The following FOXD3 variants were observed in gnomAD, a reference collection of about 807,000 sequenced individuals.
FOXD3 encodes the protein forkhead box protein D3.
Under a neutral mutation model 3.6 loss-of-function variants are expected in FOXD3, and 3 were observed. The observed-to-expected ratio is 0.84, with a 90% CI of 0.38 to 2.18. The LOEUF (loss-of-function observed/expected upper bound fraction) is 2.18, where lower values mean the gene tolerates loss of function less well. Ranked by LOEUF, FOXD3 falls within the 30% of genes most tolerant of loss-of-function variation. FOXD3 has a pLI of 0.06. For missense variants in FOXD3, 686 were observed against 731.6 expected, an observed-to-expected ratio of 0.94 and a Z score of 0.72; for synonymous variants, 391 against 360.9, an observed-to-expected ratio of 1.08 and a Z score of -0.94.
chr1:63,323,023 C>T lies in FOXD3; in HGVS notation c.-36C>T, dbSNP rs1175817812. 8.6e-6 allele frequency: 13 copies of T among 1,510,022 alleles called. No homozygotes were observed. The highest frequency in any genetic ancestry group is 1.1e-5 in the Non-Finnish European group (13 of 1,134,020). The allele number at this position is 1,510,022 out of a possible 1,614,324, so 93.5% of individuals were successfully genotyped here. On this transcript the variant is annotated 5_prime_UTR_variant, in exon 1 of 1. Transcript: ENST00000371116. This position sits in a 1 kb window ranked among gnomAD's most constrained non-coding sequence, Gnocchi z 6.8. ...CCCCGAACACCCTCATCGCCCGCTG[C>T]CCCCTCCCCGCCGCCGCTACCAACC...
rs747009146 is a variant in FOXD3 at position 63,323,453 on chromosome 1, C to G, written c.395C>G (p.Pro132Arg). 16 of 1,605,134 alleles carry G rather than the reference C, an allele frequency of 1.0e-5. No individual in the cohort carries two copies. Among genetic ancestry groups the G allele is most frequent in the Middle Eastern group, 3.7e-4 (2 of 5,366 alleles). ...AGSGSAGGLA[P>R]SKPKNSLVKP... ...AGCGGTTCGGCGGGAGGCCTGGCCC[C>G]GAGCAAGCCCAAGAACAGCCTAGTG... The change falls in exon 1 of 1, where the codon CCG becomes CGG. Residue 132 changes from proline (P) to arginine (R), a missense_variant. Around this residue, in one of 3 missense-constraint regions of FOXD3, gnomAD observed 232 missense variants for 214.0 expected, o/e 1.08. Transcript: ENST00000371116. The surrounding 1 kb of genome is among the most constrained non-coding windows in gnomAD (Gnocchi z 6.8).
Position 63,322,907 on chromosome 1 carries a change from G to A in FOXD3, c.-152G>A. The A allele has an allele frequency of 7.2e-7, 1 of 1,383,374 alleles. No homozygotes were observed. The highest frequency in any genetic ancestry group is 3.1e-5 in the East Asian group (1 of 32,756). The allele number at this position is 1,383,374 out of a possible 1,614,324, so 85.7% of individuals were successfully genotyped here. On this transcript the variant is annotated 5_prime_UTR_variant, in exon 1 of 1. Transcript: ENST00000371116. ...CCGCCGAGTGTGAGCTGAGCCCAGC[G>A]GGCCCCAAGCCACCTGCGGCCCCCT...
In FOXD3 at chr1:63,323,901, G is replaced by A; in HGVS notation, c.843G>A (p.Ala281=). The change falls in exon 1 of 1, where the codon GCG becomes GCA. Residue 281 remains alanine (A), a synonymous_variant. Transcript: ENST00000371116. This position sits in a 1 kb window ranked among gnomAD's most constrained non-coding sequence, Gnocchi z 6.8. ...GCCCCTACGGCCTGCACCCTGCGGC[G>A]GCGGCCGGTGCCTATTCGCACCCGG... ...YGRPYGLHPA[A]AAGAYSHPAA... 1 of 1,361,520 alleles carries A rather than the reference G, an allele frequency of 7.3e-7. No homozygotes were observed. The allele number at this position is 1,361,520 out of a possible 1,614,324, so 84.3% of individuals were successfully genotyped here. A position where few individuals can be genotyped will look rare whatever the true frequency, so the allele number is the denominator to read the frequency against.
chr1:63,322,827 C>G lies in FOXD3; in HGVS notation c.-232C>G, dbSNP rs112023039. On this transcript the variant is annotated 5_prime_UTR_variant, in exon 1 of 1. Transcript: ENST00000371116. Reference sequence around the variant, plus strand: ...CCGAGCGCCAGGGACGGCAGGAGTTCGCGGAGCGCGGCCGCTGGGGGCGGA... The same window carrying G: ...CCGAGCGCCAGGGACGGCAGGAGTTGGCGGAGCGCGGCCGCTGGGGGCGGA... The G allele has an allele frequency of 3.0e-6, 3 of 985,248 alleles. No homozygotes were observed. The highest frequency in any genetic ancestry group is 3.6e-6 in the Non-Finnish European group (3 of 829,916). 61.0% of individuals were successfully genotyped at this position (985,248 alleles called of 1,614,324 possible).
rs1259315015 is a variant in FOXD3 at position 63,323,070 on chromosome 1, C to T, written c.12C>T (p.Ser4=). 1 of 1,541,952 alleles carries T rather than the reference C, an allele frequency of 6.5e-7. No individual in the cohort carries two copies. Among genetic ancestry groups the T allele is most frequent in the Admixed American group, 1.9e-5 (1 of 51,400 alleles). The change falls in exon 1 of 1, where the codon TCC becomes TCT. Residue 4 remains serine (S), a synonymous_variant. Transcript: ENST00000371116. This position sits in a 1 kb window ranked among gnomAD's most constrained non-coding sequence, Gnocchi z 6.8. ...AACCCCGAGGAGGGATGACCCTCTC[C>T]GGCGGCGGCAGCGCCAGCGACATGT... MTL[S]GGGSASDMSG...
chr1:63,323,784 G>A lies in FOXD3; in HGVS notation c.726G>A (p.Gln242=), dbSNP rs779367590. ...GGAAACGCTTCAAGCGCCACCAGCAGGAGCACCTGCGCGAGCAGACGGCGC... is the reference window on the plus strand; with the variant it reads ...GGAAACGCTTCAAGCGCCACCAGCAAGAGCACCTGCGCGAGCAGACGGCGC... ...RRRKRFKRHQ[Q]EHLREQTALM... is the part of the protein sequence containing the mutation. The change falls in exon 1 of 1, where the codon CAG becomes CAA. Residue 242 remains glutamine (Q), a synonymous_variant. Coordinates refer to ENST00000371116, the MANE Select transcript of FOXD3 (RefSeq NM_012183.3). This position sits in a 1 kb window ranked among gnomAD's most constrained non-coding sequence, Gnocchi z 6.8. The A allele has an allele frequency of 1.4e-5, 22 of 1,613,170 alleles. 1 individual carries two copies. In the South Asian group the frequency reaches 2.1e-4, roughly 15 times the overall value.
rs1156880899 is a variant in FOXD3 at position 63,323,520 on chromosome 1, C to T, written c.462C>T (p.Ile154=). 1 of 1,614,110 alleles carries T rather than the reference C, an allele frequency of 6.2e-7. No individual in the cohort carries two copies. The highest frequency in any genetic ancestry group is 2.2e-5 in the East Asian group (1 of 44,850). ...ACATCGCGCTCATCACCATGGCCAT[C>T]CTGCAGAGCCCGCAGAAGAAGCTGA... ...YSYIALITMA[I]LQSPQKKLTL... is the part of the protein sequence containing the mutation. Residue 154 remains isoleucine (I), a synonymous_variant, in exon 1 of 1, where the codon ATC becomes ATT. Coordinates refer to ENST00000371116, the MANE Select transcript of FOXD3 (RefSeq NM_012183.3). The surrounding 1 kb of genome is among the most constrained non-coding windows in gnomAD (Gnocchi z 6.8).
rs1385437580 is a variant in FOXD3 at position 63,324,522 on chromosome 1, G to A, written c.*27G>A. ...GACGCGCCAATGGCCGGGACCCAGGGTCCGGCGGCGGCCTCGAGCAACAAA... is the reference window on the plus strand; with the variant it reads ...GACGCGCCAATGGCCGGGACCCAGGATCCGGCGGCGGCCTCGAGCAACAAA... On this transcript the variant is annotated 3_prime_UTR_variant, in exon 1 of 1. Coordinates refer to ENST00000371116, the MANE Select transcript of FOXD3 (RefSeq NM_012183.3). The surrounding 1 kb of genome is among the most constrained non-coding windows in gnomAD (Gnocchi z 4.1). The A allele has an allele frequency of 6.6e-7, 1 of 1,505,250 alleles. No individual in the cohort carries two copies. Among genetic ancestry groups the A allele is most frequent in the South Asian group, 1.2e-5 (1 of 82,036 alleles). 93.2% of individuals were successfully genotyped at this position (1,505,250 alleles called of 1,614,324 possible).
rs892802154 is a variant in FOXD3, at chr1:63,322,919, A to G, written c.-140A>G. On this transcript the variant is annotated 5_prime_UTR_variant, in exon 1 of 1. Coordinates refer to ENST00000371116, the MANE Select transcript of FOXD3 (RefSeq NM_012183.3). Reference sequence around the variant, plus strand: ...AGCTGAGCCCAGCGGGCCCCAAGCCACCTGCGGCCCCCTCCCCTCTCCCTG... The same window carrying G: ...AGCTGAGCCCAGCGGGCCCCAAGCCGCCTGCGGCCCCCTCCCCTCTCCCTG... The G allele has an allele frequency of 1.7e-5, 24 of 1,388,976 alleles. No homozygotes were observed. In the Admixed American group the frequency reaches 6.3e-4, roughly 36 times the overall value. 86.0% of individuals were successfully genotyped at this position (1,388,976 alleles called of 1,614,324 possible). A position where few individuals can be genotyped will look rare whatever the true frequency, so the allele number is the denominator to read the frequency against.
chr1:63,324,315 AC>A lies in FOXD3; in HGVS notation c.1260del (p.Thr422ProfsTer16). On this transcript the variant is annotated frameshift_variant, in exon 1 of 1. Coordinates refer to ENST00000371116, the MANE Select transcript of FOXD3 (RefSeq NM_012183.3). LOFTEE classifies it high-confidence loss of function. The surrounding 1 kb of genome is among the most constrained non-coding windows in gnomAD (Gnocchi z 4.1). Reference protein sequence around the residue: ...GSTAQSFLRPPGTVQSAALMA... With the variant: ...GSTAQSFLRPXGTVQSAALMA... Reference sequence around the variant, plus strand: ...GCACGGCGCAGTCGTTTCTGCGGCCACCCGGGACCGTGCAGTCGGCAGCGCT... The same window carrying A: ...GCACGGCGCAGTCGTTTCTGCGGCCACCGGGACCGTGCAGTCGGCAGCGCT... 1 of 1,571,310 alleles carries A rather than the reference AC, an allele frequency of 6.4e-7. No homozygotes were observed. Among genetic ancestry groups the A allele is most frequent in the South Asian group, 1.2e-5 (1 of 86,612 alleles).
In FOXD3 at chr1:63,322,681, C is replaced by CGCGCCCGCCTGGACCGCTCCT; in HGVS notation, c.-371_-351dup. On this transcript the variant is annotated 5_prime_UTR_variant, in exon 1 of 1. Coordinates refer to ENST00000371116, the MANE Select transcript of FOXD3 (RefSeq NM_012183.3). ...CCGAGCTGCTCGGCGCCCGGCGTCCCGCGCCCGCCTGGACCGCTCCTGCGC... is the reference window on the plus strand; with the variant it reads ...CCGAGCTGCTCGGCGCCCGGCGTCCCGCGCCCGCCTGGACCGCTCCTGCGCCCGCCTGGACCGCTCCTGCGC... 2 of 977,978 alleles carry CGCGCCCGCCTGGACCGCTCCT rather than the reference C, an allele frequency of 2.0e-6. No individual in the cohort carries two copies. The highest frequency in any genetic ancestry group is 2.4e-6 in the Non-Finnish European group (2 of 823,156). The allele number at this position is 977,978 out of a possible 1,614,324, so 60.6% of individuals were successfully genotyped here. A position where few individuals can be genotyped will look rare whatever the true frequency, so the allele number is the denominator to read the frequency against.
rs1403251674 is a variant in FOXD3 at position 63,323,398 on chromosome 1, G to T, written c.340G>T (p.Gly114Cys). The T allele has an allele frequency of 6.9e-7, 1 of 1,440,710 alleles. No individual in the cohort carries two copies. Among genetic ancestry groups the T allele is most frequent in the Admixed American group, 3.1e-5 (1 of 31,810 alleles). The allele number at this position is 1,440,710 out of a possible 1,614,324, so 89.2% of individuals were successfully genotyped here. A position where few individuals can be genotyped will look rare whatever the true frequency, so the allele number is the denominator to read the frequency against. Reference sequence around the variant, plus strand: ...GGGCGGTGTTGGCGGCGAGGAGGGCGGCGCGAGCGGCGGCGGGCCTGGCGC... The same window carrying T: ...GGGCGGTGTTGGCGGCGAGGAGGGCTGCGCGAGCGGCGGCGGGCCTGGCGC... ...CKGGVGGEEG[G>C]ASGGGPGAGS... Residue 114 changes from glycine (G) to cysteine (C), a missense_variant, in exon 1 of 1, where the codon GGC becomes TGC. Gly to Cys is a radical substitution (Grantham distance 159). Coordinates refer to ENST00000371116, the MANE Select transcript of FOXD3 (RefSeq NM_012183.3). The surrounding 1 kb of genome is among the most constrained non-coding windows in gnomAD (Gnocchi z 6.8).
In FOXD3 at chr1:63,323,282, A is replaced by G; in HGVS notation, c.224A>G (p.His75Arg). Residue 75 changes from histidine (H) to arginine (R), a missense_variant, in exon 1 of 1, where the codon CAC (histidine) becomes CGC (arginine). This residue lies in a region of FOXD3 where 232 missense variants were observed against 214.0 expected (regional missense o/e 1.08). Coordinates refer to ENST00000371116, the MANE Select transcript of FOXD3 (RefSeq NM_012183.3). The surrounding 1 kb of genome is among the most constrained non-coding windows in gnomAD (Gnocchi z 6.8). ...APHHGQPQPP[H>R]QQPLTLPKEA... ...CATCACGGACAGCCTCAGCCGCCCCACCAGCAGCCCCTGACATTGCCCAAG... is the reference window on the plus strand; with the variant it reads ...CATCACGGACAGCCTCAGCCGCCCCGCCAGCAGCCCCTGACATTGCCCAAG... The G allele has an allele frequency of 6.8e-7, 1 of 1,480,906 alleles. No individual in the cohort carries two copies. Among genetic ancestry groups the G allele is most frequent in the Non-Finnish European group, 8.9e-7 (1 of 1,117,830 alleles). The allele number at this position is 1,480,906 out of a possible 1,614,324, so 91.7% of individuals were successfully genotyped here. A position where few individuals can be genotyped will look rare whatever the true frequency, so the allele number is the denominator to read the frequency against.
At position 63,324,740 on chromosome 1, in the gene FOXD3, G is replaced by T; in HGVS notation, c.*245G>T. 1 of 546,006 alleles carries T rather than the reference G, an allele frequency of 1.8e-6. No individual in the cohort carries two copies. Among genetic ancestry groups the T allele is most frequent in the Non-Finnish European group, 3.3e-6 (1 of 306,420 alleles). 33.8% of individuals were successfully genotyped at this position (546,006 alleles called of 1,614,324 possible). Reference sequence around the variant, plus strand: ...CCCGCCGGGGATAGCTTTCCATACAGGTAAAACCGAAAACCGAATTTTCCA... The same window carrying T: ...CCCGCCGGGGATAGCTTTCCATACATGTAAAACCGAAAACCGAATTTTCCA... On this transcript the variant is annotated 3_prime_UTR_variant, in exon 1 of 1. Transcript: ENST00000371116. This position sits in a 1 kb window ranked among gnomAD's most constrained non-coding sequence, Gnocchi z 4.1.
In FOXD3 at chr1:63,323,997, G is replaced by A; in HGVS notation, c.939G>A (p.Val313=). The change falls in exon 1 of 1, where the codon GTG becomes GTA. Residue 313 remains valine (V), a synonymous_variant. Transcript: ENST00000371116. The surrounding 1 kb of genome is among the most constrained non-coding windows in gnomAD (Gnocchi z 6.8). ...YPYALPPVAP[V]LPPAVPLLPS... is the part of the protein sequence containing the mutation. Reference sequence around the variant, plus strand: ...ACGCGCTGCCGCCGGTGGCACCGGTGCTGCCTCCCGCTGTGCCGCTGCTGC... The same window carrying A: ...ACGCGCTGCCGCCGGTGGCACCGGTACTGCCTCCCGCTGTGCCGCTGCTGC... 7.5e-7 allele frequency: 1 copy of A among 1,324,652 alleles called. No individual in the cohort carries two copies. Among genetic ancestry groups the A allele is most frequent in the East Asian group, 3.3e-5 (1 of 30,712 alleles). 82.1% of individuals were successfully genotyped at this position (1,324,652 alleles called of 1,614,324 possible). A position where few individuals can be genotyped will look rare whatever the true frequency, so the allele number is the denominator to read the frequency against.
chr1:63,323,201 C>T lies in FOXD3; in HGVS notation c.143C>T (p.Ala48Val). 5 of 1,541,278 alleles carry T rather than the reference C, an allele frequency of 3.2e-6. No individual in the cohort carries two copies. Among genetic ancestry groups the T allele is most frequent in the South Asian group, 2.4e-5 (2 of 83,802 alleles). Residue 48 changes from alanine to valine, a missense_variant, in exon 1 of 1, where the codon GCG becomes GTG. Coordinates refer to ENST00000371116, the MANE Select transcript of FOXD3 (RefSeq NM_012183.3). This position sits in a 1 kb window ranked among gnomAD's most constrained non-coding sequence, Gnocchi z 6.8. The stretch of plus-strand genomic sequence containing the variant: ...AGCGACGCAGGTTGCGATAGCCCCG[C>T]GGGGCCGCCGGAGCTGCGCCTGGAC... The part of the protein sequence containing the change: ...KDSDAGCDSP[A>V]GPPELRLDEA...
chr1:63,322,886 C>A lies in FOXD3; in HGVS notation c.-173C>A, dbSNP rs565350223. The A allele has an allele frequency of 2.0e-6, 2 of 985,196 alleles. No individual in the cohort carries two copies. Among genetic ancestry groups the A allele is most frequent in the Non-Finnish European group, 2.4e-6 (2 of 829,888 alleles). 61.0% of individuals were successfully genotyped at this position (985,196 alleles called of 1,614,324 possible). On this transcript the variant is annotated 5_prime_UTR_variant, in exon 1 of 1. Coordinates refer to ENST00000371116, the MANE Select transcript of FOXD3 (RefSeq NM_012183.3). ...CCCGCGCCACGCGATGCGGGGCCGC[C>A]GAGTGTGAGCTGAGCCCAGCGGGCC... is the stretch of plus-strand genomic sequence containing the variant.
In FOXD3 at chr1:63,323,295, G is replaced by A. The variant is rs751712502; in HGVS notation, c.237G>A (p.Leu79=). Residue 79 remains leucine, a synonymous_variant, in exon 1 of 1, where the codon CTG becomes CTA. Coordinates refer to ENST00000371116, the MANE Select transcript of FOXD3 (RefSeq NM_012183.3). This position sits in a 1 kb window ranked among gnomAD's most constrained non-coding sequence, Gnocchi z 6.8. ...CTCAGCCGCCCCACCAGCAGCCCCT[G>A]ACATTGCCCAAGGAGGCGGCCGGAG... ...GQPQPPHQQP[L]TLPKEAAGAG... The A allele has an allele frequency of 6.9e-6, 10 of 1,445,728 alleles. No homozygotes were observed. In the South Asian group the frequency reaches 1.4e-4, roughly 20 times the overall value. The allele number at this position is 1,445,728 out of a possible 1,614,324, so 89.6% of individuals were successfully genotyped here. A position where few individuals can be genotyped will look rare whatever the true frequency, so the allele number is the denominator to read the frequency against.
Position 63,323,131 on chromosome 1 carries a change from A to C in FOXD3, c.73A>C (p.Ile25Leu). 1 of 1,571,820 alleles carries C rather than the reference A, an allele frequency of 6.4e-7. No individual in the cohort carries two copies. Among genetic ancestry groups the C allele is most frequent in the Non-Finnish European group, 8.6e-7 (1 of 1,160,818 alleles). Residue 25 changes from isoleucine (I) to leucine (L), a missense_variant, in exon 1 of 1, where the codon ATC (isoleucine) becomes CTC (leucine). By Grantham distance (5) the Ile-to-Leu change is conservative. Around this residue, in one of 3 missense-constraint regions of FOXD3, gnomAD observed 232 missense variants for 214.0 expected, o/e 1.08. Coordinates refer to ENST00000371116, the MANE Select transcript of FOXD3 (RefSeq NM_012183.3). This position sits in a 1 kb window ranked among gnomAD's most constrained non-coding sequence, Gnocchi z 6.8. Reference protein sequence around the residue: ...QTVLTAEDVDIDVVGEGDDGL... With the variant: ...QTVLTAEDVDLDVVGEGDDGL... ...GGTGCTGACGGCCGAGGACGTGGAC[A>C]TCGATGTGGTGGGCGAGGGCGACGA... is the stretch of plus-strand genomic sequence containing the variant.
Sources: gnomAD v4.1 joint callset for allele counts on GRCh38, gnomAD v4.1.1 for gene constraint, gnomAD v4.1.1 regional missense constraint, Gnocchi (gnomAD v3.1) non-coding constraint, MANE v1.5 for transcripts, NCBI Gene and HGNC (gene_info 2026-07-23, HGNC 2026-07-21) for gene names.